ANKRD46: variants seen among roughly 807,000 people sequenced by gnomAD.
The protein encoded by ANKRD46 is ankyrin repeat domain 46.
ANKRD46 carries 13 observed loss-of-function variants against 19.8 expected under a neutral mutation model. The ratio of observed to expected loss-of-function variants is 0.66; its 90% CI spans 0.43 to 1.04. ANKRD46 has a LOEUF of 1.04. Among genes scored for constraint, ANKRD46 ranks in the 50% least tolerant of loss-of-function variants. The pLI is 0.00. For missense variants in ANKRD46, 185 were observed against 274.8 expected (o/e 0.67, Z 2.31); for synonymous variants, 91 against 106.9 (o/e 0.85, Z 0.92).
At position 100,528,783 on chromosome 8, in the gene ANKRD46, T is replaced by G. The variant is rs528881767; in HGVS notation, c.311+740A>C. 1.1e-4 allele frequency among the ~76,000 whole-genome samples: 17 copies of G among 152,294 alleles called. No homozygotes were observed. The East Asian group carries it at 3.3e-3, about 29-fold the overall frequency. ...ATTTTGTCCTGCAGAAACAAAAGCA[T>G]TTACTGTCTTATTCAGATTTAGGGG... On this transcript the variant is annotated intron_variant, in intron 3 of 4. Transcript: ENST00000335659.
chr8:100,540,726 G>C (rs1203430116), intron 1 of ANKRD46, among the ~76,000 whole-genome samples: 1 of 152,110 alleles, frequency 6.6e-6, no homozygotes, highest in Non-Finnish European at 1.5e-5. Flanking sequence ...ATTGGCTTAA[G>C]ACAAATCAAA....
rs184039343 is a variant in ANKRD46, at chr8:100,557,580, A to C, written c.-131+2131T>G. ...TCATTCCTCTGCTCAAAACCCTCCA[A>C]ACACCTCCCTTCTCACTCAGAGTAA... is the stretch of plus-strand genomic sequence containing the variant. On this transcript the variant is annotated intron_variant, in intron 1 of 4. Coordinates refer to ENST00000335659, the MANE Select transcript of ANKRD46 (RefSeq NM_001270377.2). The surrounding 1 kb of genome is among the most constrained non-coding windows in gnomAD (Gnocchi z 5.9). Among the ~76,000 whole-genome samples the C allele has an allele frequency of 6.6e-6, 1 of 152,086 alleles. No homozygotes were observed. Among genetic ancestry groups the C allele is most frequent in the East Asian group, 1.9e-4 (1 of 5,184 alleles).
intron 1 of ANKRD46, among the ~76,000 whole-genome samples, chr8:100,555,951 T>C (rs1812491310): frequency 6.6e-6 from 1 of 152,194 alleles, no homozygotes; most frequent in South Asian, 2.1e-4. Flanking sequence ...TTTTACTGCG[T>C]ACCTTGATTA....
rs752411860 is a variant in ANKRD46, at chr8:100,527,162, T to C, written c.470+683A>G. On this transcript the variant is annotated intron_variant, in intron 4 of 4. Coordinates refer to ENST00000335659, the MANE Select transcript of ANKRD46 (RefSeq NM_001270377.2). This position sits in a 1 kb window ranked among gnomAD's most constrained non-coding sequence, Gnocchi z 4.0. The stretch of plus-strand genomic sequence containing the variant: ...TCCATTGCTTCTAGATGAGAAATGA[T>C]GAGCTATTCAAGACCCTGTCAGTTA... Among the ~76,000 whole-genome samples, 24 of 152,216 alleles carry C rather than the reference T, an allele frequency of 1.6e-4. No homozygotes were observed. The highest frequency in any genetic ancestry group is 3.1e-4 in the Non-Finnish European group (21 of 68,040).
rs1812521656 is a variant in ANKRD46 at position 100,557,307 on chromosome 8, C to T, written c.-131+2404G>A. Among the ~76,000 whole-genome samples, 1 of 152,190 alleles carries T rather than the reference C, an allele frequency of 6.6e-6. No homozygotes were observed. Among genetic ancestry groups the T allele is most frequent in the Non-Finnish European group, 1.5e-5 (1 of 68,026 alleles). ...CCTTCCAATAGCTCAGGCCAAAGGC[C>T]ACAGGGTCGTGCTTCACCCTTTCTC... On this transcript the variant is annotated intron_variant, in intron 1 of 4. Transcript: ENST00000335659. This position sits in a 1 kb window ranked among gnomAD's most constrained non-coding sequence, Gnocchi z 5.9.
intron 4 of ANKRD46, among the ~76,000 whole-genome samples, chr8:100,526,843 G>A: frequency 6.6e-6 from 1 of 152,174 alleles, no homozygotes; most frequent in South Asian, 2.1e-4. Flanking sequence ...AATGGTCTAA[G>A]TGGATTATGT....
intron 1 of ANKRD46, among the ~76,000 whole-genome samples, chr8:100,553,931 C>T (rs957713270): frequency 2.0e-5 from 3 of 152,208 alleles, no homozygotes; most frequent in African/African-American, 7.2e-5. Flanking sequence ...ACCATTCGTG[C>T]TCTTGCATTT....
At chr8:100,516,101 A>G (rs1407542472), downstream of ANKRD46, among the ~76,000 whole-genome samples, 2 of 152,068 alleles carry the variant, frequency 1.3e-5, no homozygotes, top group East Asian at 3.9e-4. Context: ...CGAACTCTCG[A>G]CCTCAGGTGA....
At position 100,527,884 on chromosome 8, in the gene ANKRD46, T is replaced by A; in HGVS notation, c.431A>T (p.His144Leu). The change falls in exon 4 of 5, where the codon CAC becomes CTC. Residue 144 changes from histidine to leucine, a missense_variant. Transcript: ENST00000335659. This position sits in a 1 kb window ranked among gnomAD's most constrained non-coding sequence, Gnocchi z 4.0. ...QEVKGFNRGT[H>L]SKLETMQTAE... ...TGTTTGCATGGTCTCCAGTTTCGAG[T>A]GGGTTCCTCTGTTAAATCCTTTCAC... is the stretch of plus-strand genomic sequence containing the variant. The A allele has an allele frequency of 8.1e-6, 13 of 1,613,246 alleles. No homozygotes were observed. The highest frequency in any genetic ancestry group is 1.1e-5 in the Non-Finnish European group (13 of 1,179,784).
At chr8:100,512,051 G>T (rs908587752) in intron 5 of ANKRD46, among the ~76,000 whole-genome samples, 1 of 152,076 alleles carries the variant, frequency 6.6e-6, no homozygotes, top group Non-Finnish European at 1.5e-5. Flanking sequence ...AGACAATAAA[G>T]AATTTCAATC....
chr8:100,520,469 T>C (rs1280844607), downstream of ANKRD46, among the ~76,000 whole-genome samples: 1 of 152,148 alleles, frequency 6.6e-6, no homozygotes, highest in African/African-American at 2.4e-5. Context: ...TTTTCTCATC[T>C]TATAAACTGG....
Position 100,550,704 on chromosome 8 carries a change from G to C in ANKRD46, c.-131+9007C>G, listed in dbSNP as rs752206752. 27 of 332,848 alleles carry C rather than the reference G, an allele frequency of 8.1e-5. No individual in the cohort carries two copies. The highest frequency in any genetic ancestry group is 1.1e-4 in the Admixed American group (3 of 26,162). 20.6% of individuals were successfully genotyped at this position (332,848 alleles called of 1,614,324 possible). On this transcript the variant is annotated intron_variant, in intron 1 of 4. Coordinates refer to ENST00000335659, the MANE Select transcript of ANKRD46 (RefSeq NM_001270377.2). This position sits in a 1 kb window ranked among gnomAD's most constrained non-coding sequence, Gnocchi z 4.4. ...CTTTCTTCCTCTTGTGCTCTCACTGGGGCTGGTTGTCGAGCAGTCTTACTC... is the reference window on the plus strand; with the variant it reads ...CTTTCTTCCTCTTGTGCTCTCACTGCGGCTGGTTGTCGAGCAGTCTTACTC...
At position 100,522,184 on chromosome 8, in the gene ANKRD46, T is replaced by A; in HGVS notation, c.*371A>T. Reference sequence around the variant, plus strand: ...AACAAAAACTAATCATATAAGATACTGTTTTTCTTTTTGAATACTTCAATT... The same window carrying A: ...AACAAAAACTAATCATATAAGATACAGTTTTTCTTTTTGAATACTTCAATT... On this transcript the variant is annotated 3_prime_UTR_variant, in exon 5 of 5. Transcript: ENST00000335659. 2 of 1,005,302 alleles carry A rather than the reference T, an allele frequency of 2.0e-6. No homozygotes were observed. The highest frequency in any genetic ancestry group is 2.4e-6 in the Non-Finnish European group (2 of 841,516). 62.3% of individuals were successfully genotyped at this position (1,005,302 alleles called of 1,614,324 possible).
chr8:100,511,966 G>A lies in ANKRD46; in HGVS notation c.637-1327C>T, dbSNP rs998960725. Among the ~76,000 whole-genome samples the A allele has an allele frequency of 9.2e-5, 14 of 152,242 alleles. No homozygotes were observed. The highest frequency in any genetic ancestry group is 7.7e-4 in the East Asian group (4 of 5,180). ...CTTGAACCCAGGTGGCGGAGGCTGC[G>A]GTGAGCCGAGATTGTGCCACTGCAC... On this transcript the variant is annotated intron_variant, in intron 5 of 5. Transcript: ENST00000520552. The surrounding 1 kb of genome is among the most constrained non-coding windows in gnomAD (Gnocchi z 4.1).
intron 1 of ANKRD46, among the ~76,000 whole-genome samples, chr8:100,538,757 G>A (rs922380745): frequency 6.6e-6 from 1 of 152,190 alleles, no homozygotes; most frequent in Non-Finnish European, 1.5e-5. Context: ...CCTGCTTGGA[G>A]AGGTGGGAAA....
intron 1 of ANKRD46, among the ~76,000 whole-genome samples, chr8:100,538,394 A>G (rs546909323): frequency 4.6e-5 from 7 of 152,348 alleles, no homozygotes; most frequent in Non-Finnish European, 1.0e-4. Context: ...TAAACAACAC[A>G]GTGTAACAAC....
rs751380493 is a variant in ANKRD46, at chr8:100,550,626, C to T, written c.-131+9085G>A. ...TGGAAACTGTGAAGAGGGGAGATTC[C>T]CAGTGTGGTGGGGGACTGAGCATGG... On this transcript the variant is annotated intron_variant, in intron 1 of 4. Coordinates refer to ENST00000335659, the MANE Select transcript of ANKRD46 (RefSeq NM_001270377.2). The surrounding 1 kb of genome is among the most constrained non-coding windows in gnomAD (Gnocchi z 4.4). 6.7e-5 allele frequency: 14 copies of T among 208,942 alleles called. No homozygotes were observed. Among genetic ancestry groups the T allele is most frequent in the Non-Finnish European group, 1.2e-4 (13 of 105,514 alleles). 12.9% of individuals were successfully genotyped at this position (208,942 alleles called of 1,614,324 possible). A position where few individuals can be genotyped will look rare whatever the true frequency, so the allele number is the denominator to read the frequency against.
At chr8:100,556,587 C>T (rs1041089679) in intron 1 of ANKRD46, 8 of 152,164 alleles carry the variant, frequency 5.3e-5, no homozygotes, top group African/African-American at 1.9e-4. Flanking sequence ...AAAGAGCTGT[C>T]CATACTGCAG....
At position 100,545,341 on chromosome 8, in the gene ANKRD46, GTGGT is replaced by G. The variant is rs1812251598; in HGVS notation, c.-130-12034_-130-12031del. On this transcript the variant is annotated intron_variant, in intron 1 of 4. Coordinates refer to ENST00000335659, the MANE Select transcript of ANKRD46 (RefSeq NM_001270377.2). The surrounding 1 kb of genome is among the most constrained non-coding windows in gnomAD (Gnocchi z 4.7). ...GGTGGGAGGTGAATGGAGCATGGGGGTGGTTACCCCCATGCTGTTCTCATGATAG... is the reference window on the plus strand; with the variant it reads ...GGTGGGAGGTGAATGGAGCATGGGGGTACCCCCATGCTGTTCTCATGATAG... Among the ~76,000 whole-genome samples, 2 of 152,084 alleles carry G rather than the reference GTGGT, an allele frequency of 1.3e-5. No individual in the cohort carries two copies. Among genetic ancestry groups the G allele is most frequent in the South Asian group, 2.1e-4 (1 of 4,818 alleles).
Sources: allele counts gnomAD v4.1 joint callset (sites outside exome capture counted in the v4.1 genomes callset), GRCh38; gene constraint gnomAD v4.1.1; non-coding constraint Gnocchi (gnomAD v3.1); transcripts MANE v1.5; gene names NCBI Gene and HGNC (gene_info 2026-07-23, HGNC 2026-07-21).